Variants in OTUB2 observed in about 807,000 individuals in gnomAD.
OTUB2 encodes ubiquitin thioesterase OTUB2.
In OTUB2, 21 loss-of-function variants were observed where a neutral mutation model predicts 25.1. The ratio of observed to expected loss-of-function variants is 0.84; its 90% CI spans 0.59 to 1.21. OTUB2 has a LOEUF of 1.21. Among genes scored for constraint, OTUB2 ranks in the 50% most tolerant of loss-of-function variants. OTUB2 has a pLI of 0.00. For missense variants in OTUB2, 283 were observed against 298.0 expected, an observed-to-expected ratio of 0.95 and a Z score of 0.37; for synonymous variants, 122 against 122.8, an observed-to-expected ratio of 0.99 and a Z score of 0.04.
intron 1 of OTUB2, among the ~76,000 whole-genome samples, chr14:94,026,919 G>C (rs1884875193): frequency 6.6e-6 from 1 of 152,190 alleles, no homozygotes; most frequent in South Asian, 2.1e-4. Context: ...CCAGTCAGCA[G>C]TCCACGGCCC....
chr14:94,035,433 C>T (rs1176384053), intron 1 of OTUB2, among the ~76,000 whole-genome samples: 1 of 151,892 alleles, frequency 6.6e-6, no homozygotes, highest in Non-Finnish European at 1.5e-5. Flanking sequence ...GGATTACGGG[C>T]ATGTGCCACC....
chr14:94,040,413 A>G (rs1885139174), intron 3 of OTUB2, among the ~76,000 whole-genome samples: 1 of 152,200 alleles, frequency 6.6e-6, no homozygotes, highest in African/African-American at 2.4e-5. Flanking sequence ...TGTGCCATGC[A>G]GCAGCCCTGG....
Position 94,045,988 on chromosome 14 carries a change from G to A in OTUB2, c.*66G>A. On this transcript the variant is annotated 3_prime_UTR_variant, in exon 6 of 6. Transcript: ENST00000203664. ...ACTGCATTCTGAATGGAACATTCCG[G>A]CTCTTCAATTTTTTAAGCAATTTAG... 3 of 1,537,944 alleles carry A rather than the reference G, an allele frequency of 2.0e-6. No homozygotes were observed. The highest frequency in any genetic ancestry group is 2.7e-6 in the Non-Finnish European group (3 of 1,120,002).
At chr14:94,036,735 T>G (rs1257973510) in intron 1 of OTUB2, among the ~76,000 whole-genome samples, 1 of 152,186 alleles carries the variant, frequency 6.6e-6, no homozygotes, top group Non-Finnish European at 1.5e-5. Context: ...GTGTAAACTT[T>G]CGCCGGTAGG....
At chr14:94,034,729 CCTCACG>C (rs1226608225) in intron 1 of OTUB2, among the ~76,000 whole-genome samples, 1 of 152,206 alleles carries the variant, frequency 6.6e-6, no homozygotes, top group African/African-American at 2.4e-5. Flanking sequence ...TGACTTTCAG[CCTCACG>C]CTCGCAGGAT....
Position 94,043,001 on chromosome 14 carries a change from C to T in OTUB2, c.219-970C>T, listed in dbSNP as rs371058261. Among the ~76,000 whole-genome samples the T allele has an allele frequency of 9.2e-5, 14 of 152,322 alleles. 1 individual carries two copies. The highest frequency in any genetic ancestry group is 6.2e-4 in the South Asian group (3 of 4,834). ...CAGGACAAACTAGTCCTGGCCCAGG[C>T]AGGACTGTTAGATATGCCAGGACCA... is the stretch of plus-strand genomic sequence containing the variant. On this transcript the variant is annotated intron_variant, in intron 3 of 5. Transcript: ENST00000203664.
intron 2 of OTUB2, among the ~76,000 whole-genome samples, 174 bp downstream of exon 2, chr14:94,037,649 CAA>C (rs35415907): frequency 7.1e-4 from 96 of 135,540 alleles, no homozygotes; most frequent in African/African-American, 2.0e-3. Flanking sequence ...CCTTTCATTC[CAA>C]AAAAAAAAAA....
intron 1 of OTUB2, among the ~76,000 whole-genome samples, chr14:94,032,177 T>G (rs1283837273): frequency 6.6e-6 from 1 of 152,152 alleles, no homozygotes; most frequent in South Asian, 2.1e-4. Flanking sequence ...AGAATCCCCT[T>G]GTCCCCAGGT....
chr14:94,043,820 G>A (rs1380345439), intron 3 of OTUB2, 151 bp from the exon 4 acceptor site: 1 of 726,390 alleles, frequency 1.4e-6, no homozygotes, highest in Admixed American at 1.9e-5. Context: ...CGGTGCATGT[G>A]GCTGTGTGTT....
chr14:94,045,598 G>C (rs1885258353), intron 5 of OTUB2, 118 bp from the exon 6 acceptor site: 10 of 979,958 alleles, frequency 1.0e-5, no homozygotes, highest in Non-Finnish European at 1.2e-5. Flanking sequence ...GGGATGTTGT[G>C]AAGATGACGT....
At position 94,038,942 on chromosome 14, in the gene OTUB2, A is replaced by C; in HGVS notation, c.100-21A>C. 8 of 1,610,554 alleles carry C rather than the reference A, an allele frequency of 5.0e-6. No individual in the cohort carries two copies. The South Asian group carries it at 8.8e-5, about 18-fold the overall frequency. ...AGCCGTTGTTGGTGCAAATGCCCAC[A>C]TTTCTTTCTGTCCCCCTCAGGAACT... On this transcript the variant is annotated intron_variant, in intron 2 of 5. Coordinates refer to ENST00000203664, the MANE Select transcript of OTUB2 (RefSeq NM_023112.4).
chr14:94,042,914 G>A (rs114804606), intron 3 of OTUB2, among the ~76,000 whole-genome samples: 1,819 of 152,308 alleles, frequency 0.012, 37 homozygotes, highest in African/African-American at 0.041. Context: ...GGGCTGGAGG[G>A]GACTGCGGCT....
rs372804232 is a variant in OTUB2, at chr14:94,046,187, GT to G, written c.*266del. 17 of 559,942 alleles carry G rather than the reference GT, an allele frequency of 3.0e-5. No homozygotes were observed. The African/African-American group carries it at 3.2e-4, about 10-fold the overall frequency. The allele number at this position is 559,942 out of a possible 1,614,324, so 34.7% of individuals were successfully genotyped here. The stretch of plus-strand genomic sequence containing the variant: ...CAGTTCGCAGTGAGGCCCTGGGTGG[GT>G]CACCTGCCCTCTCTGGACTTGTTTC... On this transcript the variant is annotated 3_prime_UTR_variant, in exon 6 of 6. Transcript: ENST00000203664.
Position 94,048,668 on chromosome 14 carries a change from A to C in OTUB2, c.*2746A>C, listed in dbSNP as rs1210373382. The C allele has an allele frequency of 6.6e-6, 1 of 152,214 alleles. No homozygotes were observed. The highest frequency in any genetic ancestry group is 1.5e-5 in the Non-Finnish European group (1 of 68,050). 9.4% of individuals were successfully genotyped at this position (152,214 alleles called of 1,614,324 possible). A position where few individuals can be genotyped will look rare whatever the true frequency, so the allele number is the denominator to read the frequency against. On this transcript the variant is annotated 3_prime_UTR_variant, in exon 6 of 6. Transcript: ENST00000203664. ...TCCCCAACCTGTCCTTCCTGACAGG[A>C]AGCATAGGGCACTGCAGATGGGGAA...
chr14:94,028,568 T>A (rs1490483762), intron 1 of OTUB2, among the ~76,000 whole-genome samples: 2 of 152,196 alleles, frequency 1.3e-5, no homozygotes, highest in Middle Eastern at 3.2e-3. Flanking sequence ...AATGAATGAG[T>A]CAGACATAAG....
chr14:94,035,154 G>A (rs542410616), intron 1 of OTUB2, among the ~76,000 whole-genome samples: 2 of 152,262 alleles, frequency 1.3e-5, no homozygotes, highest in South Asian at 2.1e-4. Flanking sequence ...GCAAAGAAGG[G>A]TCGGTACAGA....
In OTUB2 at chr14:94,044,709, A is replaced by T. The variant is rs1189749651; in HGVS notation, c.427A>T (p.Ile143Phe). 2 of 1,614,100 alleles carry T rather than the reference A, an allele frequency of 1.2e-6. No homozygotes were observed. Among genetic ancestry groups the T allele is most frequent in the East Asian group, 4.5e-5 (2 of 44,886 alleles). Residue 143 changes from isoleucine (I) to phenylalanine (F), a missense_variant, in exon 5 of 6, where the codon ATC (isoleucine) becomes TTC (phenylalanine). By Grantham distance (21) the Ile-to-Phe change is conservative. Coordinates refer to ENST00000203664, the MANE Select transcript of OTUB2 (RefSeq NM_023112.4). ...CCTGCGCCTGCTCACGTCGGCCTTC[A>T]TCAGGAACCGAGCAGACTTCTTCCG... ...QFLRLLTSAF[I>F]RNRADFFRHF... is the part of the protein sequence containing the mutation.
intron 1 of OTUB2, among the ~76,000 whole-genome samples, chr14:94,036,207 C>G (rs1016182868): frequency 6.6e-6 from 1 of 152,072 alleles, no homozygotes; most frequent in African/African-American, 2.4e-5. Flanking sequence ...GAGAGGCTAC[C>G]AGGGAAGGCC....
In OTUB2 at chr14:94,044,701, C is replaced by T. The variant is rs534860682; in HGVS notation, c.419C>T (p.Ser140Leu). The change falls in exon 5 of 6, where the codon TCG (serine) becomes TTG (leucine). Residue 140 changes from serine (S) to leucine (L), a missense_variant. Coordinates refer to ENST00000203664, the MANE Select transcript of OTUB2 (RefSeq NM_023112.4). The stretch of plus-strand genomic sequence containing the variant: ...GTGCAGTTCCTGCGCCTGCTCACGT[C>T]GGCCTTCATCAGGAACCGAGCAGAC... ...HIVQFLRLLT[S>L]AFIRNRADFF... 1.1e-5 allele frequency: 18 copies of T among 1,614,108 alleles called. No individual in the cohort carries two copies. The highest frequency in any genetic ancestry group is 1.7e-5 in the Admixed American group (1 of 60,022).
Sources: allele counts gnomAD v4.1 joint callset (sites outside exome capture counted in the v4.1 genomes callset), GRCh38; gene constraint gnomAD v4.1.1; transcripts MANE v1.5; gene names NCBI Gene and HGNC (gene_info 2026-07-23, HGNC 2026-07-21).